Variants in LOC400499 observed in about 807,000 individuals in gnomAD.
the LOC400499 span, among the ~76,000 whole-genome samples, chr16:11,451,858 G>C: frequency 6.6e-6 from 1 of 152,162 alleles, no homozygotes; most frequent in Non-Finnish European, 1.5e-5. Flanking sequence ...GCGGAGTTGA[G>C]AATAGGGAGA....
the LOC400499 span, chr16:11,477,888 G>C: frequency 1.5e-5 from 6 of 399,050 alleles, no homozygotes; most frequent in African/African-American, 1.0e-4. Flanking sequence ...CCTCGGACCC[G>C]GATGCTGATG....
At chr16:11,392,353 C>G in the LOC400499 span, 6 of 398,904 alleles carry the variant, frequency 1.5e-5, no homozygotes, top group Non-Finnish European at 2.7e-5. Context: ...GGCAGCCGCG[C>G]GCGGCCAGCA....
chr16:11,435,074 A>G, the LOC400499 span, among the ~76,000 whole-genome samples: 5 of 152,144 alleles, frequency 3.3e-5, no homozygotes, highest in African/African-American at 1.2e-4. Context: ...CCAACTCCCA[A>G]GCTCAAGCAA....
At chr16:11,380,702 T>TA in the LOC400499 span, among the ~76,000 whole-genome samples, 64,026 of 151,868 alleles carry the variant, frequency 0.42, 13,836 homozygotes, top group Non-Finnish European at 0.48. Flanking sequence ...GCCCTTGATT[T>TA]AAAAAAATAA....
At chr16:11,402,732 G>T in the LOC400499 span, among the ~76,000 whole-genome samples, 1 of 152,174 alleles carries the variant, frequency 6.6e-6, no homozygotes, top group Non-Finnish European at 1.5e-5. Flanking sequence ...TTGAACATGA[G>T]GAAGACCAGA....
chr16:11,384,707 A>G, the LOC400499 span, among the ~76,000 whole-genome samples: 2 of 152,182 alleles, frequency 1.3e-5, no homozygotes, highest in African/African-American at 4.8e-5. Context: ...GGTCATCTGG[A>G]CATGGGGTCA....
At chr16:11,479,168 A>C in the LOC400499 span, among the ~76,000 whole-genome samples, 14 of 152,314 alleles carry the variant, frequency 9.2e-5, no homozygotes, top group East Asian at 2.7e-3. Flanking sequence ...AACTTGTGGG[A>C]TCCAGATGAG....
chr16:11,452,039 G>C, the LOC400499 span, among the ~76,000 whole-genome samples: 1 of 152,102 alleles, frequency 6.6e-6, no homozygotes, highest in East Asian at 1.9e-4. Context: ...CCCCACCTAT[G>C]TATAGCGCCT....
the LOC400499 span, among the ~76,000 whole-genome samples, chr16:11,504,510 C>T: frequency 2.6e-5 from 4 of 152,110 alleles, no homozygotes; most frequent in East Asian, 7.7e-4. Context: ...GCCGAGATTA[C>T]GCCACTGCAC....
the LOC400499 span, among the ~76,000 whole-genome samples, chr16:11,410,952 G>A: frequency 6.6e-6 from 1 of 152,254 alleles, no homozygotes; most frequent in African/African-American, 2.4e-5. Flanking sequence ...CTACAAGTGT[G>A]CCAGGCTGGG....
At chr16:11,385,662 A>C in the LOC400499 span, among the ~76,000 whole-genome samples, 1 of 152,236 alleles carries the variant, frequency 6.6e-6, no homozygotes, top group Non-Finnish European at 1.5e-5. Context: ...GAGACCTGCT[A>C]CAAAAATACT....
At chr16:11,419,241 C>T in the LOC400499 span, among the ~76,000 whole-genome samples, 3 of 151,840 alleles carry the variant, frequency 2.0e-5, no homozygotes, top group Non-Finnish European at 2.9e-5. Context: ...GGTACTGGTA[C>T]CAAAACAGAG....
the LOC400499 span, among the ~76,000 whole-genome samples, chr16:11,445,399 C>T: frequency 6.6e-6 from 1 of 150,648 alleles, no homozygotes; most frequent in Non-Finnish European, 1.5e-5. Context: ...CCGGCTTGAG[C>T]GACAGAGTGA....
chr16:11,494,841 C>A, the LOC400499 span: 5 of 391,358 alleles, frequency 1.3e-5, no homozygotes, highest in African/African-American at 1.1e-4. Flanking sequence ...CACCGACTCA[C>A]CTGGGCAACT....
chr16:11,384,894 G>C, the LOC400499 span: 1 of 1,232,290 alleles, frequency 8.1e-7, no homozygotes, highest in Non-Finnish European at 1.0e-6. Flanking sequence ...CCACCGTGCT[G>C]CCAGAGGCCC....
At chr16:11,379,091 C>G in the LOC400499 span, among the ~76,000 whole-genome samples, 1 of 150,842 alleles carries the variant, frequency 6.6e-6, no homozygotes, top group Non-Finnish European at 1.5e-5. Context: ...TGGTGAAACC[C>G]TGTCTCTACT....
the LOC400499 span, among the ~76,000 whole-genome samples, chr16:11,406,586 C>T: frequency 6.6e-6 from 1 of 152,232 alleles, no homozygotes; most frequent in African/African-American, 2.4e-5. Context: ...GCATGTGCCA[C>T]CACGCCTGGC....
At chr16:11,408,218 G>C in the LOC400499 span, among the ~76,000 whole-genome samples, 1 of 152,028 alleles carries the variant, frequency 6.6e-6, no homozygotes, top group African/African-American at 2.4e-5. Context: ...CCTGACCTCA[G>C]GTGACCTGCC....
chr16:11,381,299 T>A, the LOC400499 span, among the ~76,000 whole-genome samples: 2 of 152,130 alleles, frequency 1.3e-5, no homozygotes, highest in Non-Finnish European at 2.9e-5. Context: ...CAGGCAGGAG[T>A]GTGATCATGG....
Sources: gnomAD v4.1 joint callset for allele counts (sites outside exome capture counted in the v4.1 genomes callset) on GRCh38, gnomAD v4.1.1 for gene constraint, MANE v1.5 for transcripts.